The following IGFBPL1 variants were observed in gnomAD, a reference collection of about 807,000 sequenced individuals.
The protein encoded by IGFBPL1 is insulin-like growth factor-binding protein-like 1.
In IGFBPL1, 20 loss-of-function variants were observed where a neutral mutation model predicts 23.9. That is an observed-to-expected ratio of 0.84 (90% confidence interval 0.59 to 1.22). IGFBPL1 has a LOEUF of 1.22. Among genes scored for constraint, IGFBPL1 ranks in the 50% most tolerant of loss-of-function variants. IGFBPL1 has a pLI of 0.00. For synonymous variants in IGFBPL1, 184 were observed against 171.8 expected (o/e 1.07, Z -0.56); for missense variants, 436 against 379.3 (o/e 1.15, Z -1.24).
chr9:38,420,404 G>A (rs917927020), intron 1 of IGFBPL1, among the ~76,000 whole-genome samples: 1 of 152,240 alleles, frequency 6.6e-6, no homozygotes, highest in African/African-American at 2.4e-5. Context: ...GTGCTAAATA[G>A]AGGGACAAGT....
At chr9:38,413,207 C>A in intron 3 of IGFBPL1, 30 bp downstream of exon 3, 1 of 1,298,054 alleles carries the variant, frequency 7.7e-7, no homozygotes, top group South Asian at 1.2e-5. Flanking sequence ...AATGGTCAGT[C>A]AATAATATCC....
chr9:38,424,362 C>G lies in IGFBPL1; in HGVS notation c.63G>C (p.Pro21=). 1 of 764,990 alleles carries G rather than the reference C, an allele frequency of 1.3e-6. No individual in the cohort carries two copies. Among genetic ancestry groups the G allele is most frequent in the Non-Finnish European group, 2.1e-6 (1 of 485,206 alleles). 47.4% of individuals were successfully genotyped at this position (764,990 alleles called of 1,614,324 possible). Residue 21 remains proline, a synonymous_variant, in exon 1 of 5, where the codon CCG becomes CCC. Transcript: ENST00000377694. ...CGCGGATCCCAAGGCTCGGGGACAG[C>G]GGCGGCAGCAGCGGCAGCAGCAGCA... is the stretch of plus-strand genomic sequence containing the variant. The part of the protein sequence containing the change: ...LLLLLLPLLP[P]LSPSLGIRDV...
intron 1 of IGFBPL1, among the ~76,000 whole-genome samples, chr9:38,423,220 T>C (rs1209400111): frequency 6.6e-6 from 1 of 152,216 alleles, no homozygotes; most frequent in East Asian, 1.9e-4. Flanking sequence ...GAGATTATTT[T>C]ACTGTGATGT....
At chr9:38,409,557 C>G (rs1157325171) in intron 4 of IGFBPL1, among the ~76,000 whole-genome samples, 1 of 152,172 alleles carries the variant, frequency 6.6e-6, no homozygotes, top group Admixed American at 6.5e-5. Context: ...AAGACCTAGG[C>G]AGCAGTGATG....
At position 38,407,112 on chromosome 9, in the gene IGFBPL1, TCA is replaced by T. The variant is rs1821439667; in HGVS notation, c.*2113_*2114del. Among the ~76,000 whole-genome samples, 1 of 147,694 alleles carries T rather than the reference TCA, an allele frequency of 6.8e-6. No homozygotes were observed. Among genetic ancestry groups the T allele is most frequent in the African/African-American group, 2.5e-5 (1 of 40,654 alleles). ...GCAGGCCTTCACACATGGAAGTCAG[TCA>T]CAGTGCGTGGAGAAGGGAGGGGCGG... On this transcript the variant is annotated 3_prime_UTR_variant, in exon 5 of 5. Transcript: ENST00000377694.
chr9:38,416,676 ATT>A (rs10555920), intron 1 of IGFBPL1, among the ~76,000 whole-genome samples: 89,037 of 140,310 alleles, frequency 0.63, 27,953 homozygotes, highest in Non-Finnish European at 0.68. Flanking sequence ...TCCGGTTCTA[ATT>A]TTTTTTTTTT....
intron 3 of IGFBPL1, 33 bp downstream of exon 3, chr9:38,413,204 A>T (rs776935552): frequency 8.6e-6 from 11 of 1,277,576 alleles, no homozygotes; most frequent in Non-Finnish European, 1.3e-5. Context: ...TATAATGGTC[A>T]GTCAATAATA....
chr9:38,421,674 C>T (rs949631824), intron 1 of IGFBPL1, among the ~76,000 whole-genome samples: 2 of 152,184 alleles, frequency 1.3e-5, no homozygotes, highest in African/African-American at 2.4e-5. Flanking sequence ...TTAAAAAACG[C>T]TCCCGCTGTG....
intron 1 of IGFBPL1, among the ~76,000 whole-genome samples, chr9:38,420,167 C>G (rs911472671): frequency 6.6e-6 from 1 of 152,146 alleles, no homozygotes; most frequent in Non-Finnish European, 1.5e-5. Flanking sequence ...CAGAATGAAG[C>G]TTCCCCCTTC....
rs1821460381 is a variant in IGFBPL1, at chr9:38,408,281, A to G, written c.*946T>C. Reference sequence around the variant, plus strand: ...AAAAAAAAAAAAAAAAAAAAAAAATAGCTGGGTGTGGTGGGGCATGCCTGT... The same window carrying G: ...AAAAAAAAAAAAAAAAAAAAAAAATGGCTGGGTGTGGTGGGGCATGCCTGT... On this transcript the variant is annotated 3_prime_UTR_variant, in exon 5 of 5. Transcript: ENST00000377694. 7.0e-6 allele frequency among the ~76,000 whole-genome samples: 1 copy of G among 142,954 alleles called. No individual in the cohort carries two copies. 93.8% of individuals were successfully genotyped at this position (142,954 alleles called of 152,430 possible).
Position 38,414,311 on chromosome 9 carries a change from G to A in IGFBPL1, c.461-108C>T. ...GCCCGCTGTGATGTCCTGACATGAG[G>A]GGAGCGGCACATCACGCTTGGGCAG... On this transcript the variant is annotated intron_variant, in intron 1 of 4. Coordinates refer to ENST00000377694, the MANE Select transcript of IGFBPL1 (RefSeq NM_001007563.3). The A allele has an allele frequency of 4.6e-6, 3 of 646,910 alleles. No individual in the cohort carries two copies. The South Asian group carries it at 5.5e-5, about 12-fold the overall frequency. 40.1% of individuals were successfully genotyped at this position (646,910 alleles called of 1,614,324 possible).
At chr9:38,421,453 G>C (rs1479652893) in intron 1 of IGFBPL1, among the ~76,000 whole-genome samples, 1 of 152,094 alleles carries the variant, frequency 6.6e-6, no homozygotes, top group Admixed American at 6.6e-5. Flanking sequence ...CCTGAAAACT[G>C]CTTCCCCAGG....
chr9:38,411,225 A>G (rs1308012738), intron 4 of IGFBPL1, among the ~76,000 whole-genome samples, 166 bp downstream of exon 4: 1 of 151,886 alleles, frequency 6.6e-6, no homozygotes, highest in African/African-American at 2.4e-5. Context: ...TGCAGAATAT[A>G]CCAGGGATTC....
Position 38,414,175 on chromosome 9 carries a change from A to C in IGFBPL1, c.489T>G (p.Ser163Arg). 6.2e-7 allele frequency: 1 copy of C among 1,609,030 alleles called. No homozygotes were observed. The highest frequency in any genetic ancestry group is 8.5e-7 in the Non-Finnish European group (1 of 1,177,888). The stretch of plus-strand genomic sequence containing the variant: ...CCTGCGCCCCGGTGACGTTGTGAAC[A>C]CTTCGGGGAGGAACGACGACCACAG... ...FAPVVVVPPR[S>R]VHNVTGAQVG... Residue 163 changes from serine (S) to arginine (R), a missense_variant, in exon 2 of 5, where the codon AGT becomes AGG. Ser to Arg is a moderately radical substitution (Grantham distance 110). Coordinates refer to ENST00000377694, the MANE Select transcript of IGFBPL1 (RefSeq NM_001007563.3).
Position 38,406,877 on chromosome 9 carries a change from C to T in IGFBPL1, c.*2350G>A, listed in dbSNP as rs1035453873. ...GTACTTCCAGCATGGGCTCTGTCCA[C>T]CCTGCTCTCTGGGTCTACATCCAGC... On this transcript the variant is annotated 3_prime_UTR_variant, in exon 5 of 5. Coordinates refer to ENST00000377694, the MANE Select transcript of IGFBPL1 (RefSeq NM_001007563.3). Among the ~76,000 whole-genome samples the T allele has an allele frequency of 1.3e-5, 2 of 152,228 alleles. No homozygotes were observed. The highest frequency in any genetic ancestry group is 2.9e-5 in the Non-Finnish European group (2 of 68,038).
At chr9:38,412,565 G>C (rs1044754383) in intron 3 of IGFBPL1, among the ~76,000 whole-genome samples, 1 of 152,306 alleles carries the variant, frequency 6.6e-6, no homozygotes, top group South Asian at 2.1e-4. Flanking sequence ...CCTTAGGCAG[G>C]TGTACTAGTT....
At chr9:38,412,246 C>G (rs985966517) in intron 3 of IGFBPL1, among the ~76,000 whole-genome samples, 1 of 152,194 alleles carries the variant, frequency 6.6e-6, no homozygotes, top group Non-Finnish European at 1.5e-5. Context: ...TCGTTTTAAA[C>G]TCATGCCAGT....
chr9:38,414,571 A>C (rs1032837845), intron 1 of IGFBPL1, among the ~76,000 whole-genome samples: 1 of 152,108 alleles, frequency 6.6e-6, no homozygotes, highest in South Asian at 2.1e-4. Context: ...CGACTCCTAG[A>C]GGGGCTGGTG....
At chr9:38,412,560 G>T (rs1390836594) in intron 3 of IGFBPL1, among the ~76,000 whole-genome samples, 2 of 152,206 alleles carry the variant, frequency 1.3e-5, no homozygotes, top group East Asian at 3.9e-4. Flanking sequence ...GGTGACCTTA[G>T]GCAGGTGTAC....
Sources: allele counts gnomAD v4.1 joint callset (sites outside exome capture counted in the v4.1 genomes callset), GRCh38; gene constraint gnomAD v4.1.1; transcripts MANE v1.5; gene names NCBI Gene and HGNC (gene_info 2026-07-23, HGNC 2026-07-21).